The following RGS12 variants were observed in gnomAD, a reference collection of about 807,000 sequenced individuals.
RGS12 encodes regulator of G protein signaling 12.
Under a neutral mutation model 120.1 loss-of-function variants are expected in RGS12, and 66 were observed. The observed-to-expected ratio is 0.55, with a 90% CI of 0.45 to 0.67. RGS12 has a LOEUF of 0.67. RGS12 is among the 30% of genes least tolerant of loss of function. RGS12 has a pLI of 0.00. For synonymous variants in RGS12, 827 were observed against 804.7 expected (o/e 1.03, Z -0.47); for missense variants, 1,859 against 1,957.7 (o/e 0.95, Z 0.95).
chr4:3,404,361 C>T (rs562676113), intron 4 of RGS12, among the ~76,000 whole-genome samples: 11 of 152,320 alleles, frequency 7.2e-5, no homozygotes, highest in South Asian at 2.1e-4. Flanking sequence ...TAGGTATTCA[C>T]GAGGCCTGGC....
chr4:3,404,003 C>T (rs543151543), intron 4 of RGS12, among the ~76,000 whole-genome samples: 1 of 152,320 alleles, frequency 6.6e-6, no homozygotes, highest in East Asian at 1.9e-4. Flanking sequence ...GCCCTCCCTG[C>T]ACTACCACAC....
chr4:3,342,000 G>A (rs149510811), intron 2 of RGS12, among the ~76,000 whole-genome samples: 51 of 151,564 alleles, frequency 3.4e-4, no homozygotes, highest in Non-Finnish European at 5.3e-4. Flanking sequence ...GTGTGTCAGC[G>A]TGGTGGTCAA....
At chr4:3,386,882 A>G (rs1718910925) in intron 4 of RGS12, among the ~76,000 whole-genome samples, 1 of 152,200 alleles carries the variant, frequency 6.6e-6, no homozygotes, top group Non-Finnish European at 1.5e-5. Context: ...ACGAATTGAG[A>G]GTGTGGGATG....
rs1337039608 is a variant in RGS12, at chr4:3,317,602, C to T, written c.1432C>T (p.Pro478Ser). The T allele has an allele frequency of 1.1e-5, 17 of 1,589,532 alleles. No individual in the cohort carries two copies. Among genetic ancestry groups the T allele is most frequent in the Non-Finnish European group, 1.5e-5 (17 of 1,167,230 alleles). ...WGAPWTGPFC[P>S]DPEGSPPFEA... ...TGCTCCCTGGACTGGGCCCTTCTGT[C>T]CGGACCCCGAAGGGAGCCCCCCATT... Residue 478 changes from proline to serine, a missense_variant, in exon 2 of 18, where the codon CCG (proline) becomes TCG (serine). Coordinates refer to ENST00000336727, the MANE Select transcript of RGS12 (RefSeq NM_001394154.1).
chr4:3,369,095 T>A (rs1052348581), intron 3 of RGS12, among the ~76,000 whole-genome samples: 4 of 152,128 alleles, frequency 2.6e-5, no homozygotes, highest in Non-Finnish European at 5.9e-5. Context: ...GGCACCCCTT[T>A]CAGCGAGGAG....
chr4:3,408,171 C>A (rs1407944011), intron 4 of RGS12, among the ~76,000 whole-genome samples: 3 of 152,228 alleles, frequency 2.0e-5, no homozygotes, highest in African/African-American at 7.2e-5. Flanking sequence ...GGTGGCATCC[C>A]TCCCGCGTTC....
At chr4:3,376,359 T>C (rs548325733) in intron 3 of RGS12, among the ~76,000 whole-genome samples, 52 of 151,952 alleles carry the variant, frequency 3.4e-4, no homozygotes, top group African/African-American at 1.2e-3. Context: ...CAGACCGTGG[T>C]GGCTGCTCTG....
intron 4 of RGS12, among the ~76,000 whole-genome samples, chr4:3,397,321 T>G (rs1468640277): frequency 3.3e-5 from 5 of 152,188 alleles, no homozygotes; most frequent in Admixed American, 2.6e-4. Context: ...GCTGTGCAAG[T>G]GCGTGGCCGG....
chr4:3,351,299 A>C (rs1184023370), intron 3 of RGS12, among the ~76,000 whole-genome samples: 1 of 152,184 alleles, frequency 6.6e-6, no homozygotes, highest in Non-Finnish European at 1.5e-5. Flanking sequence ...GTCAGACAAA[A>C]TAATTTTTAT....
At chr4:3,400,618 T>C (rs1034684094) in intron 4 of RGS12, among the ~76,000 whole-genome samples, 1 of 149,734 alleles carries the variant, frequency 6.7e-6, no homozygotes, top group African/African-American at 2.4e-5. Context: ...ATATTATATA[T>C]TCTATTAGTA....
At chr4:3,438,853 G>T (rs1234286547) in intron 17 of RGS12, among the ~76,000 whole-genome samples, 1 of 152,132 alleles carries the variant, frequency 6.6e-6, no homozygotes, top group Non-Finnish European at 1.5e-5. Context: ...GGGGGCCAGG[G>T]ATGGAGGGGG....
At chr4:3,358,327 C>G (rs1441473856) in intron 3 of RGS12, among the ~76,000 whole-genome samples, 2 of 151,934 alleles carry the variant, frequency 1.3e-5, no homozygotes, top group African/African-American at 4.8e-5. Flanking sequence ...CCTTTCATTT[C>G]TTTTTTTGCC....
chr4:3,329,524 G>A (rs1711584924), intron 2 of RGS12, among the ~76,000 whole-genome samples: 2 of 152,156 alleles, frequency 1.3e-5, no homozygotes, highest in African/African-American at 2.4e-5. Flanking sequence ...TGAGAGGCTG[G>A]TGGCCTTACC....
intron 2 of RGS12, among the ~76,000 whole-genome samples, chr4:3,334,475 G>A (rs1051747812): frequency 2.4e-4 from 36 of 152,182 alleles, no homozygotes; most frequent in African/African-American, 8.2e-4. Context: ...AGACTATCTC[G>A]TACTTTCCCT....
At chr4:3,290,034 T>C (rs1474585528), upstream of RGS12, among the ~76,000 whole-genome samples, 6 of 152,356 alleles carry the variant, frequency 3.9e-5, no homozygotes, top group East Asian at 9.6e-4. Flanking sequence ...CACGATGTTT[T>C]CTTTATCCAC....
chr4:3,309,041 C>T (rs1218080336), intron 1 of RGS12, among the ~76,000 whole-genome samples: 1 of 151,294 alleles, frequency 6.6e-6, no homozygotes, highest in Non-Finnish European at 1.5e-5. Context: ...TGGCAGGTGT[C>T]CTCTGAGGAG....
intron 9 of RGS12, chr4:3,420,324 C>G: frequency 2.2e-6 from 1 of 444,904 alleles, no homozygotes; most frequent in Non-Finnish European, 4.1e-6. Context: ...TGTAACTGCA[C>G]GTACTGATGT....
chr4:3,382,525 G>A (rs1718367900), intron 3 of RGS12, among the ~76,000 whole-genome samples: 1 of 152,234 alleles, frequency 6.6e-6, no homozygotes, highest in Non-Finnish European at 1.5e-5. Flanking sequence ...CCACTGAAAA[G>A]TCTTGCTGGC....
At chr4:3,354,806 T>C (rs533452009) in intron 3 of RGS12, among the ~76,000 whole-genome samples, 46 of 152,238 alleles carry the variant, frequency 3.0e-4, no homozygotes, top group Admixed American at 2.6e-3. Flanking sequence ...TAGAATGTCA[T>C]CTCAAGAAGT....
Sources: gnomAD v4.1 joint callset for allele counts (sites outside exome capture counted in the v4.1 genomes callset) on GRCh38, gnomAD v4.1.1 for gene constraint, MANE v1.5 for transcripts, NCBI Gene and HGNC (gene_info 2026-07-23, HGNC 2026-07-21) for gene names.